The following SCFD2 variants were observed in gnomAD, a reference collection of about 807,000 sequenced individuals.
The protein encoded by SCFD2 is sec1 family domain-containing protein 2.
In SCFD2, 54 loss-of-function variants were observed where a neutral mutation model predicts 58.9. That is an observed-to-expected ratio of 0.92 (90% CI 0.74 to 1.15). The LOEUF (loss-of-function observed/expected upper bound fraction) is 1.15. Ranked by LOEUF, SCFD2 falls within the 50% of genes most tolerant of loss-of-function variation. The pLI, the probability that SCFD2 is intolerant of heterozygous loss-of-function variation, is 0.00. For missense variants in SCFD2, 805 were observed against 836.6 expected, an observed-to-expected ratio of 0.96 and a Z score of 0.47; for synonymous variants, 321 against 335.9, an observed-to-expected ratio of 0.96 and a Z score of 0.49.
intron 4 of SCFD2, among the ~76,000 whole-genome samples, chr4:53,158,684 T>C (rs1219547700): frequency 6.6e-6 from 1 of 152,248 alleles, no homozygotes; most frequent in East Asian, 1.9e-4. Context: ...CTTAAAATTA[T>C]TTAAAGTTAA....
At chr4:53,147,990 A>C (rs77285672) in intron 4 of SCFD2, among the ~76,000 whole-genome samples, 3,181 of 152,232 alleles carry the variant, frequency 0.021, 43 homozygotes, top group Middle Eastern at 0.048. Flanking sequence ...TGGCCTGTTA[A>C]AGAAAGGTCA....
intron 5 of SCFD2, among the ~76,000 whole-genome samples, chr4:53,007,636 G>A (rs2148804849): frequency 6.6e-6 from 1 of 152,240 alleles, no homozygotes; most frequent in Middle Eastern, 3.4e-3. Flanking sequence ...CCTGTAAAAT[G>A]GAGGTAATAA....
intron 4 of SCFD2, among the ~76,000 whole-genome samples, chr4:53,216,310 G>A (rs1218223943): frequency 1.3e-5 from 2 of 152,064 alleles, no homozygotes; most frequent in African/African-American, 4.8e-5. Context: ...ATTAATTATT[G>A]CCTCAATTTC....
At chr4:53,318,739 T>TC (rs1732936701) in intron 2 of SCFD2, among the ~76,000 whole-genome samples, 1 of 151,850 alleles carries the variant, frequency 6.6e-6, no homozygotes, top group African/African-American at 2.4e-5. Context: ...TTTTTTTTTT[T>TC]CCCCTGATGG....
intron 4 of SCFD2, among the ~76,000 whole-genome samples, chr4:53,210,348 G>C (rs1403515038): frequency 6.6e-6 from 1 of 152,082 alleles, no homozygotes; most frequent in Non-Finnish European, 1.5e-5. Context: ...GGTCAGGAAA[G>C]TCCTGAGGGA....
chr4:53,332,379 C>T (rs923489052), intron 2 of SCFD2, among the ~76,000 whole-genome samples: 14 of 151,646 alleles, frequency 9.2e-5, no homozygotes, highest in African/African-American at 2.9e-4. Flanking sequence ...TCCAGCAGCA[C>T]ATCAAAAAGC....
chr4:53,016,578 G>A (rs1179438175), intron 5 of SCFD2, among the ~76,000 whole-genome samples: 6 of 152,140 alleles, frequency 3.9e-5, no homozygotes, highest in Non-Finnish European at 5.9e-5. Context: ...TAGAACTCCT[G>A]AGCTCTTTAG....
intron 5 of SCFD2, among the ~76,000 whole-genome samples, chr4:52,947,015 C>T (rs532318429): frequency 2.6e-5 from 4 of 152,204 alleles, no homozygotes; most frequent in African/African-American, 7.2e-5. Flanking sequence ...TGCATGTGAG[C>T]GCTTTCATTC....
intron 6 of SCFD2, among the ~76,000 whole-genome samples, chr4:52,918,660 A>T (rs1024092088): frequency 3.3e-5 from 5 of 152,212 alleles, no homozygotes; most frequent in Admixed American, 3.3e-4. Flanking sequence ...AATTTTAAAG[A>T]CATTAAGTAT....
intron 5 of SCFD2, among the ~76,000 whole-genome samples, chr4:53,100,509 C>T (rs767186849): frequency 1.3e-4 from 20 of 152,154 alleles, no homozygotes; most frequent in South Asian, 4.1e-4. Context: ...TTCCTATCCA[C>T]GCTAGATAGC....
chr4:53,153,077 C>G (rs1230171604), intron 4 of SCFD2, among the ~76,000 whole-genome samples: 1 of 152,188 alleles, frequency 6.6e-6, no homozygotes, highest in Non-Finnish European at 1.5e-5. Context: ...CGGATGCAAG[C>G]TGCCAATGGC....
chr4:53,030,695 C>T (rs1722595449), intron 5 of SCFD2, among the ~76,000 whole-genome samples: 1 of 152,126 alleles, frequency 6.6e-6, no homozygotes, highest in Non-Finnish European at 1.5e-5. Context: ...GTGCTGAGAT[C>T]ACAGGTGTGA....
intron 4 of SCFD2, among the ~76,000 whole-genome samples, chr4:53,189,618 T>G (rs1304837329): frequency 6.6e-6 from 1 of 152,146 alleles, no homozygotes; most frequent in African/African-American, 2.4e-5. Context: ...CCCACCCTCA[T>G]GACCTCATCT....
chr4:53,297,298 C>A (rs963605871), intron 3 of SCFD2, among the ~76,000 whole-genome samples: 1 of 152,142 alleles, frequency 6.6e-6, no homozygotes, highest in Non-Finnish European at 1.5e-5. Context: ...TCTCTAAGAA[C>A]TTGCTTTATG....
rs538605900 is a variant in SCFD2 at position 53,216,834 on chromosome 4, C to G, written c.1311+56992G>C. The stretch of plus-strand genomic sequence containing the variant: ...CTGCTTTGAATGTGTCCCAGAGATT[C>G]TGGTATGTTGTGTCTTTGTTCTCAT... On this transcript the variant is annotated intron_variant, in intron 4 of 8. Coordinates refer to ENST00000401642, the MANE Select transcript of SCFD2 (RefSeq NM_152540.4). 2.0e-5 allele frequency among the ~76,000 whole-genome samples: 3 copies of G among 152,260 alleles called. No individual in the cohort carries two copies. The South Asian group carries it at 6.2e-4, about 32-fold the overall frequency.
At chr4:53,008,430 A>C (rs751733578) in intron 5 of SCFD2, among the ~76,000 whole-genome samples, 7 of 152,212 alleles carry the variant, frequency 4.6e-5, no homozygotes, top group Non-Finnish European at 7.3e-5. Context: ...AAGCAAAAGG[A>C]GAAGAAACTA....
chr4:53,203,627 A>G (rs1262405645), intron 4 of SCFD2, among the ~76,000 whole-genome samples: 2 of 152,104 alleles, frequency 1.3e-5, no homozygotes, highest in Admixed American at 6.5e-5. Context: ...TTGAAAGCCA[A>G]TGAATAAGGT....
chr4:53,094,499 G>A lies in SCFD2; in HGVS notation c.1561+50834C>T, dbSNP rs115402169. On this transcript the variant is annotated intron_variant, in intron 5 of 8. Transcript: ENST00000401642. ...ATTATCGCCCACCTAATGACCTCAT[G>A]CAGCCATCATTAACCTCTTTAATGA... Among the ~76,000 whole-genome samples, 974 of 152,042 alleles carry A rather than the reference G, an allele frequency of 6.4e-3. 5 individuals carry two copies. Among genetic ancestry groups the A allele is most frequent in the Middle Eastern group, 0.017 (5 of 294 alleles).
At chr4:53,265,903 C>A (rs1313747172) in intron 4 of SCFD2, among the ~76,000 whole-genome samples, 1 of 151,564 alleles carries the variant, frequency 6.6e-6, no homozygotes, top group Non-Finnish European at 1.5e-5. Flanking sequence ...CCACATCCAG[C>A]TAATTTTTTT....
Sources: allele counts gnomAD v4.1 joint callset (sites outside exome capture counted in the v4.1 genomes callset), GRCh38; gene constraint gnomAD v4.1.1; transcripts MANE v1.5; gene names NCBI Gene and HGNC (gene_info 2026-07-23, HGNC 2026-07-21).